Variants in DCC observed in about 807,000 individuals in gnomAD.
DCC encodes DCC netrin 1 receptor, also known as netrin receptor DCC.
DCC carries 58 observed loss-of-function variants against 172.5 expected under a neutral mutation model. The ratio of observed to expected loss-of-function variants is 0.34; its 90% confidence interval spans 0.27 to 0.42. The LOEUF is 0.42. DCC is among the 10% of genes least tolerant of loss of function. The pLI is 1.00. For missense variants in DCC, 1,740 were observed against 1,791.0 expected, an observed-to-expected ratio of 0.97 and a Z score of 0.51; for synonymous variants, 709 against 644.5, an observed-to-expected ratio of 1.10 and a Z score of -1.52.
chr18:53,304,120 A>T (rs1352144672), intron 12 of DCC, among the ~76,000 whole-genome samples: 1 of 151,788 alleles, frequency 6.6e-6, no homozygotes, highest in Non-Finnish European at 1.5e-5. Flanking sequence ...TAGTCTGCTC[A>T]TTTGCTTGTG....
intron 5 of DCC, among the ~76,000 whole-genome samples, chr18:53,044,091 G>A (rs1163961615): frequency 3.3e-5 from 5 of 151,948 alleles, no homozygotes; most frequent in Admixed American, 2.6e-4. Flanking sequence ...AATTAATAAG[G>A]AGGTATTACC....
intron 23 of DCC, among the ~76,000 whole-genome samples, chr18:53,456,779 G>A (rs2045488361): frequency 1.3e-5 from 2 of 152,194 alleles, no homozygotes; most frequent in Non-Finnish European, 2.9e-5. Flanking sequence ...AGAATCTAAT[G>A]GTGAGACACA....
chr18:53,367,350 G>A (rs1400821258), intron 15 of DCC, among the ~76,000 whole-genome samples: 1 of 152,008 alleles, frequency 6.6e-6, no homozygotes, highest in African/African-American at 2.4e-5. Context: ...AACAATAAGA[G>A]TGCTCTCCTT....
intron 8 of DCC, among the ~76,000 whole-genome samples, chr18:53,162,872 C>G (rs1484019905): frequency 6.6e-6 from 1 of 152,204 alleles, no homozygotes; most frequent in African/African-American, 2.4e-5. Context: ...ATGGGCAAGG[C>G]TGTTTTTATC....
chr18:52,964,422 C>A (rs1299320716), intron 5 of DCC, among the ~76,000 whole-genome samples: 1 of 151,996 alleles, frequency 6.6e-6, no homozygotes, highest in Admixed American at 6.6e-5. Flanking sequence ...TTAATTCATC[C>A]ATGAGGGAGC....
intron 14 of DCC, among the ~76,000 whole-genome samples, chr18:53,338,324 C>T (rs1187416317): frequency 6.6e-6 from 1 of 152,194 alleles, no homozygotes; most frequent in East Asian, 1.9e-4. Context: ...TATTAATTGG[C>T]TGGGCACGAT....
intron 1 of DCC, among the ~76,000 whole-genome samples, chr18:52,649,833 A>T (rs1038050044): frequency 2.6e-5 from 4 of 152,184 alleles, no homozygotes. Flanking sequence ...ACTGATGGGC[A>T]CTTAGGTTTA....
chr18:52,602,211 G>A (rs1216064915), intron 1 of DCC, among the ~76,000 whole-genome samples: 1 of 152,004 alleles, frequency 6.6e-6, no homozygotes, highest in Non-Finnish European at 1.5e-5. Flanking sequence ...AAGTCTCTTT[G>A]GTTACCAGAA....
chr18:52,482,286 T>C (rs1007600091), intron 1 of DCC, among the ~76,000 whole-genome samples: 1 of 152,190 alleles, frequency 6.6e-6, no homozygotes, highest in African/African-American at 2.4e-5. Context: ...TTCTAAATTG[T>C]ATTTGCTTAA....
intron 1 of DCC, among the ~76,000 whole-genome samples, chr18:52,543,278 G>T (rs865912214): frequency 2.0e-5 from 3 of 152,218 alleles, no homozygotes; most frequent in Admixed American, 6.5e-5. Context: ...TATTTAAAAT[G>T]TTATCATTTC....
intron 27 of DCC, among the ~76,000 whole-genome samples, chr18:53,513,969 CA>C (rs1175327668): frequency 6.7e-6 from 1 of 149,686 alleles, no homozygotes; most frequent in Non-Finnish European, 1.5e-5. Context: ...AGACCTAATA[CA>C]CATCTACAGA....
chr18:53,320,865 C>A (rs2057403349), intron 13 of DCC, among the ~76,000 whole-genome samples: 1 of 152,144 alleles, frequency 6.6e-6, no homozygotes, highest in Non-Finnish European at 1.5e-5. Context: ...TATATGTCTT[C>A]ATGGAGCTTC....
intron 7 of DCC, among the ~76,000 whole-genome samples, chr18:53,103,254 G>A (rs747538733): frequency 6.6e-6 from 1 of 152,050 alleles, no homozygotes; most frequent in Non-Finnish European, 1.5e-5. Context: ...GACAGAACCA[G>A]GGTACATACT....
At chr18:53,089,587 CCAAAAAA>C (rs55836331) in intron 7 of DCC, among the ~76,000 whole-genome samples, 18,249 of 113,902 alleles carry the variant, frequency 0.16, 1,228 homozygotes, top group African/African-American at 0.23. Context: ...AAAAAAAAAA[CCAAAAAA>C]CAAAAAACAA....
intron 22 of DCC, among the ~76,000 whole-genome samples, chr18:53,439,769 C>CTTTTTTT (rs1292726340): frequency 7.9e-6 from 1 of 127,244 alleles, no homozygotes. Flanking sequence ...TAGTATTTTT[C>CTTTTTTT]TTTTTTTTTT....
At chr18:53,000,184 G>A (rs1366774218) in intron 5 of DCC, among the ~76,000 whole-genome samples, 1 of 152,006 alleles carries the variant, frequency 6.6e-6, no homozygotes, top group Non-Finnish European at 1.5e-5. Flanking sequence ...CTTTGCAATG[G>A]CAGTCCTTGG....
At chr18:52,449,449 T>G (rs759650050) in intron 1 of DCC, among the ~76,000 whole-genome samples, 1 of 152,224 alleles carries the variant, frequency 6.6e-6, no homozygotes, top group South Asian at 2.1e-4. Flanking sequence ...AGAGCAATAT[T>G]TGGTCCTTAA....
At chr18:53,117,727 G>T (rs894463652) in intron 7 of DCC, among the ~76,000 whole-genome samples, 2 of 151,648 alleles carry the variant, frequency 1.3e-5, no homozygotes, top group African/African-American at 4.8e-5. Context: ...AGGCTTTGCA[G>T]GCCACGTGAT....
intron 5 of DCC, among the ~76,000 whole-genome samples, chr18:53,049,456 G>T (rs1366271732): frequency 6.6e-6 from 1 of 151,938 alleles, no homozygotes; most frequent in African/African-American, 2.4e-5. Flanking sequence ...TTTCCCCTTT[G>T]CTTGTCATGT....
Sources: allele counts gnomAD v4.1 joint callset (sites outside exome capture counted in the v4.1 genomes callset), GRCh38; gene constraint gnomAD v4.1.1; transcripts MANE v1.5; gene names NCBI Gene and HGNC (gene_info 2026-07-23, HGNC 2026-07-21).